ANK2: variants seen among roughly 807,000 people sequenced by gnomAD.
ANK2 encodes the protein ankyrin 2, also known as ankyrin-2.
In ANK2, 83 loss-of-function variants were observed where a neutral mutation model predicts 360.5. The ratio of observed to expected loss-of-function variants is 0.23; its 90% confidence interval spans 0.19 to 0.28. The LOEUF (loss-of-function observed/expected upper bound fraction) is 0.28. ANK2 is among the 10% of genes least tolerant of loss of function. The pLI is 1.00. For synonymous variants in ANK2, 1,740 were observed against 1,759.5 expected (o/e 0.99, Z 0.28); for missense variants, 4,201 against 4,795.7 (o/e 0.88, Z 3.66).
chr4:113,188,867 A>G (rs2153344955), intron 2 of ANK2, among the ~76,000 whole-genome samples: 1 of 152,246 alleles, frequency 6.6e-6, no homozygotes, highest in African/African-American at 2.4e-5. Context: ...TTGTTCATGC[A>G]CTGACTTGCA....
intron 26 of ANK2, among the ~76,000 whole-genome samples, chr4:113,325,978 A>G: frequency 6.6e-6 from 1 of 152,104 alleles, no homozygotes; most frequent in East Asian, 1.9e-4. Flanking sequence ...TCATCTCCAA[A>G]TGTTTATGGG....
At chr4:113,020,504 C>A (rs2057768354) in intron 2 of ANK2, among the ~76,000 whole-genome samples, 1 of 152,172 alleles carries the variant, frequency 6.6e-6, no homozygotes, top group South Asian at 2.1e-4. Context: ...CTGAGGCAGT[C>A]TTAACGATAA....
intron 45 of ANK2, among the ~76,000 whole-genome samples, chr4:113,375,745 A>G (rs1396531039): frequency 6.6e-6 from 1 of 152,044 alleles, no homozygotes; most frequent in African/African-American, 2.4e-5. Flanking sequence ...AAGAAAAAAA[A>G]GAAAAAGAAA....
At chr4:113,361,766 T>C (rs1201097760) in intron 39 of ANK2, among the ~76,000 whole-genome samples, 1 of 152,078 alleles carries the variant, frequency 6.6e-6, no homozygotes. Flanking sequence ...TTCGGGGTTT[T>C]AGGGGAGAGA....
chr4:113,199,220 C>T, intron 4 of ANK2, 111 bp downstream of exon 4: 1 of 853,284 alleles, frequency 1.2e-6, no homozygotes, highest in Non-Finnish European at 1.9e-6. Context: ...ATTATAAGTG[C>T]TTTGTTATTT....
the ANK2 span, among the ~76,000 whole-genome samples, chr4:112,756,454 C>G: frequency 6.6e-6 from 1 of 152,086 alleles, no homozygotes; most frequent in Non-Finnish European, 1.5e-5. Context: ...CTTTATAACC[C>G]AAAATGGCAA....
chr4:112,877,479 T>G (rs748732586), intron 1 of ANK2, among the ~76,000 whole-genome samples: 16 of 152,168 alleles, frequency 1.1e-4, no homozygotes, highest in Non-Finnish European at 2.1e-4. Context: ...CCTCTCAAAG[T>G]GCTGGGATTA....
intron 1 of ANK2, among the ~76,000 whole-genome samples, chr4:112,847,558 G>A (rs1247509414): frequency 1.3e-5 from 2 of 151,948 alleles, no homozygotes; most frequent in African/African-American, 2.4e-5. Flanking sequence ...TCCTCTGCAC[G>A]GCTACCATAT....
At position 113,236,027 on chromosome 4, in the gene ANK2, C is replaced by T. The variant is rs367933356; in HGVS notation, c.484-960C>T. 5.6e-4 allele frequency among the ~76,000 whole-genome samples: 86 copies of T among 152,260 alleles called. 1 individual carries two copies. Among genetic ancestry groups the T allele is most frequent in the South Asian group, 1.2e-3 (6 of 4,832 alleles). On this transcript the variant is annotated intron_variant, in intron 5 of 45. Transcript: ENST00000357077. ...TGCTGGGATTACAGGTGTGAGCCAC[C>T]GTGCCTGGCCCCAGTCTTTCAATTT...
At chr4:112,712,041 C>CAT in the ANK2 span, among the ~76,000 whole-genome samples, 1 of 147,782 alleles carries the variant, frequency 6.8e-6, no homozygotes, top group South Asian at 2.1e-4. Context: ...TACATACATA[C>CAT]ACACACACAC....
chr4:112,958,265 C>T (rs1233105222), intron 2 of ANK2, among the ~76,000 whole-genome samples: 7 of 152,198 alleles, frequency 4.6e-5, no homozygotes, highest in Non-Finnish European at 8.8e-5. Context: ...GAGGTTGTAG[C>T]GAGCCGAGAT....
the ANK2 span, among the ~76,000 whole-genome samples, chr4:112,808,497 A>G: frequency 2.6e-5 from 4 of 152,362 alleles, no homozygotes; most frequent in Admixed American, 2.6e-4. Flanking sequence ...AAGAAATACA[A>G]ACTTCAGCTC....
intron 2 of ANK2, among the ~76,000 whole-genome samples, chr4:113,183,355 T>TA (rs1030803412): frequency 1.3e-5 from 2 of 152,046 alleles, no homozygotes; most frequent in African/African-American, 4.8e-5. Context: ...ATCAGGAATT[T>TA]AAAGTGAGTG....
At chr4:112,941,327 A>G (rs2094186525) in intron 2 of ANK2, among the ~76,000 whole-genome samples, 2 of 146,798 alleles carry the variant, frequency 1.4e-5, no homozygotes, top group South Asian at 4.2e-4. Flanking sequence ...AAGATATATA[A>G]ATATACTACA....
At chr4:112,775,602 G>C in the ANK2 span, among the ~76,000 whole-genome samples, 6 of 151,042 alleles carry the variant, frequency 4.0e-5, no homozygotes, top group Non-Finnish European at 5.9e-5. Flanking sequence ...GTGAGTGTTG[G>C]GTATCGTTAA....
intron 45 of ANK2, among the ~76,000 whole-genome samples, chr4:113,379,450 T>G (rs772102061): frequency 4.6e-5 from 7 of 152,232 alleles, no homozygotes; most frequent in Non-Finnish European, 1.0e-4. Flanking sequence ...AAAGATATCA[T>G]ATACATGTGC....
chr4:112,757,772 C>T, the ANK2 span, among the ~76,000 whole-genome samples: 1 of 152,008 alleles, frequency 6.6e-6, no homozygotes, highest in Non-Finnish European at 1.5e-5. Flanking sequence ...TGTTTGTAGT[C>T]ATATCATTAT....
intron 2 of ANK2, among the ~76,000 whole-genome samples, chr4:113,022,484 A>G (rs576196154): frequency 6.6e-5 from 10 of 152,290 alleles, no homozygotes; most frequent in Non-Finnish European, 1.3e-4. Flanking sequence ...TGGTGAGTCT[A>G]GCATCTTAGT....
intron 26 of ANK2, 70 bp downstream of exon 26, chr4:113,318,690 TC>T (rs2084281991): frequency 7.6e-7 from 1 of 1,311,346 alleles, no homozygotes; most frequent in East Asian, 2.5e-5. Flanking sequence ...AACAGCTTTG[TC>T]CAGTAGCTTT....
Sources: allele counts gnomAD v4.1 joint callset (sites outside exome capture counted in the v4.1 genomes callset), GRCh38; gene constraint gnomAD v4.1.1; transcripts MANE v1.5; gene names NCBI Gene and HGNC (gene_info 2026-07-23, HGNC 2026-07-21).